PCDHGA5: variants seen among roughly 807,000 people sequenced by gnomAD.
PCDHGA5 encodes protocadherin gamma-A5.
In PCDHGA5, 36 loss-of-function variants were observed where a neutral mutation model predicts 56.7. That is an observed-to-expected ratio of 0.64 (90% CI 0.49 to 0.84). The LOEUF is 0.84. Among genes scored for constraint, PCDHGA5 ranks in the 40% least tolerant of loss-of-function variants. PCDHGA5 has a pLI of 0.00. For synonymous variants in PCDHGA5, 563 were observed against 520.2 expected (o/e 1.08, Z -1.12); for missense variants, 1,305 against 1,201.5 (o/e 1.09, Z -1.27).
intron 1 of PCDHGA5, among the ~76,000 whole-genome samples, chr5:141,467,330 G>T (rs1335387199): frequency 6.6e-6 from 1 of 152,138 alleles, no homozygotes; most frequent in East Asian, 1.9e-4. Context: ...TGGGATTAGA[G>T]ACGTAAGCCA....
intron 1 of PCDHGA5, chr5:141,371,097 G>A (rs376198094): frequency 5.0e-6 from 8 of 1,613,710 alleles, no homozygotes; most frequent in Non-Finnish European, 6.8e-6. Flanking sequence ...TGTCGCAGAT[G>A]CAAATGATAA....
In PCDHGA5 at chr5:141,505,323, G is replaced by T. The variant is rs996747379; in HGVS notation, c.2481-70G>T. 12 of 1,606,640 alleles carry T rather than the reference G, an allele frequency of 7.5e-6. No homozygotes were observed. In the African/African-American group the frequency reaches 1.5e-4, roughly 20 times the overall value. On this transcript the variant is annotated intron_variant, in intron 2 of 3. Transcript: ENST00000518069. Reference sequence around the variant, plus strand: ...TAGGGTACTAGGTTTGGGAGCCCTGGGAGAGGACAGGAGGGGCATGAGCTG... The same window carrying T: ...TAGGGTACTAGGTTTGGGAGCCCTGTGAGAGGACAGGAGGGGCATGAGCTG...
intron 1 of PCDHGA5, among the ~76,000 whole-genome samples, chr5:141,406,298 T>G (rs2154537368): frequency 6.6e-6 from 1 of 152,178 alleles, no homozygotes; most frequent in East Asian, 1.9e-4. Flanking sequence ...GGGTGAGGTG[T>G]GAACCACCTC....
chr5:141,495,818 GTTC>G (rs2099764072), intron 2 of PCDHGA5, among the ~76,000 whole-genome samples: 1 of 151,904 alleles, frequency 6.6e-6, no homozygotes, highest in South Asian at 2.1e-4. Context: ...AGCGCCTTGT[GTTC>G]TTCTATCCCC....
rs753472869 is a variant in PCDHGA5, at chr5:141,366,592, C to T, written c.2262C>T (p.Ser754=). The change falls in exon 1 of 4, where the codon TCC becomes TCT. Residue 754 remains serine (S), a synonymous_variant. Coordinates refer to ENST00000518069, the MANE Select transcript of PCDHGA5 (RefSeq NM_018918.3). ...DGVRAFLQTY[S]HEVSLTADSR... is the part of the protein sequence containing the mutation. ...TTCGGGCTTTCCTGCAGACCTATTC[C>T]CACGAGGTCTCCCTCACCGCGGACT... The T allele has an allele frequency of 8.1e-6, 13 of 1,614,256 alleles. No individual in the cohort carries two copies. In the South Asian group the frequency reaches 1.4e-4, roughly 18 times the overall value.
Position 141,511,350 on chromosome 5 carries a change from C to G in PCDHGA5, c.*177C>G, listed in dbSNP as rs1303365585. 4.3e-6 allele frequency: 6 copies of G among 1,397,194 alleles called. No homozygotes were observed. Among genetic ancestry groups the G allele is most frequent in the East Asian group, 2.5e-5 (1 of 39,862 alleles). The allele number at this position is 1,397,194 out of a possible 1,614,324, so 86.5% of individuals were successfully genotyped here. On this transcript the variant is annotated 3_prime_UTR_variant, in exon 4 of 4. Transcript: ENST00000518069. ...CCCAGTCAGCACCTACCCCTTCCCC[C>G]CCAGGGGGTTGAATATGCAAAAGCA...
chr5:141,371,239 T>A (rs1319098085), intron 1 of PCDHGA5: 2 of 1,614,010 alleles, frequency 1.2e-6, no homozygotes, highest in East Asian at 2.2e-5. Flanking sequence ...TATGCCTTCA[T>A]CAATATTGGC....
At chr5:141,418,433 C>G (rs761824602) in intron 1 of PCDHGA5, 44 of 1,613,938 alleles carry the variant, frequency 2.7e-5, no homozygotes, top group Non-Finnish European at 3.7e-5. Flanking sequence ...TGGCAAATAT[C>G]CAGAATTAGT....
intron 1 of PCDHGA5, among the ~76,000 whole-genome samples, chr5:141,429,535 T>TG (rs1278730394): frequency 2.0e-5 from 3 of 152,168 alleles, no homozygotes; most frequent in Non-Finnish European, 4.4e-5. Flanking sequence ...CTTAAAAAAA[T>TG]AAGAACATGG....
In PCDHGA5 at chr5:141,476,499, TC is replaced by T; in HGVS notation, c.2422-18307del. 1 of 1,614,110 alleles carries T rather than the reference TC, an allele frequency of 6.2e-7. No individual in the cohort carries two copies. Among genetic ancestry groups the T allele is most frequent in the Non-Finnish European group, 8.5e-7 (1 of 1,180,020 alleles). ...AGCGTGGAAGTGGTGATCCAGGACATCAACGACAACAATCCTGCTTTCCCTA... is the reference window on the plus strand; with the variant it reads ...AGCGTGGAAGTGGTGATCCAGGACATAACGACAACAATCCTGCTTTCCCTA... On this transcript the variant is annotated intron_variant, in intron 1 of 3. Transcript: ENST00000518069. The surrounding 1 kb of genome is among the most constrained non-coding windows in gnomAD (Gnocchi z 7.6).
intron 1 of PCDHGA5, chr5:141,478,429 G>C: frequency 6.2e-7 from 1 of 1,613,674 alleles, no homozygotes; most frequent in Non-Finnish European, 8.5e-7. Flanking sequence ...GCAGCGACCC[G>C]CTGCTGAAGA....
intron 1 of PCDHGA5, chr5:141,403,943 A>T: frequency 6.2e-7 from 1 of 1,613,934 alleles, no homozygotes; most frequent in Non-Finnish European, 8.5e-7. Context: ...GAAAGGGTGG[A>T]CAAAAGTGCT....
chr5:141,366,847 A>G, intron 1 of PCDHGA5, 96 bp downstream of exon 1: 1 of 1,478,860 alleles, frequency 6.8e-7, no homozygotes. Context: ...TTATGTAAAT[A>G]GTGGAACATT....
intron 1 of PCDHGA5, chr5:141,385,631 G>A (rs539938751): frequency 7.4e-6 from 7 of 947,722 alleles, no homozygotes; most frequent in Middle Eastern, 4.4e-4. Flanking sequence ...GGAATGAATC[G>A]AGTCTTTCAT....
At chr5:141,466,809 C>T (rs1187657283) in intron 1 of PCDHGA5, among the ~76,000 whole-genome samples, 2 of 152,102 alleles carry the variant, frequency 1.3e-5, no homozygotes, top group African/African-American at 4.8e-5. Context: ...CCTATTCAGA[C>T]ATGGTATAAC....
intron 1 of PCDHGA5, among the ~76,000 whole-genome samples, chr5:141,382,046 C>G (rs1241597403): frequency 6.6e-6 from 1 of 151,928 alleles, no homozygotes. Flanking sequence ...TCAGGCTGGT[C>G]TCAAGCTCCC....
At position 141,491,093 on chromosome 5, in the gene PCDHGA5, T is replaced by G; in HGVS notation, c.2422-3714T>G. The G allele has an allele frequency of 6.2e-7, 1 of 1,614,160 alleles. No individual in the cohort carries two copies. The highest frequency in any genetic ancestry group is 8.5e-7 in the Non-Finnish European group (1 of 1,180,008). On this transcript the variant is annotated intron_variant, in intron 1 of 3. Transcript: ENST00000518069. This position sits in a 1 kb window ranked among gnomAD's most constrained non-coding sequence, Gnocchi z 6.9. ...TTGCCACAGTCCACAGCCCCAGGAC[T>G]GTTCCTCGTGTCTACACACACTGGT... is the stretch of plus-strand genomic sequence containing the variant.
At chr5:141,448,074 G>A (rs1008235342) in intron 1 of PCDHGA5, among the ~76,000 whole-genome samples, 3 of 151,152 alleles carry the variant, frequency 2.0e-5, no homozygotes, top group Admixed American at 1.3e-4. Context: ...CAACATGAAC[G>A]AAATGCCATC....
intron 1 of PCDHGA5, chr5:141,404,627 G>GC (rs2094548617): frequency 6.2e-7 from 1 of 1,614,026 alleles, no homozygotes; most frequent in Non-Finnish European, 8.5e-7. Flanking sequence ...GAATGACAAT[G>GC]CCCCAGAAAT....
Sources: allele counts gnomAD v4.1 joint callset (sites outside exome capture counted in the v4.1 genomes callset), GRCh38; gene constraint gnomAD v4.1.1; non-coding constraint Gnocchi (gnomAD v3.1); transcripts MANE v1.5; gene names NCBI Gene and HGNC (gene_info 2026-07-23, HGNC 2026-07-21).